Variants in KCNJ12 observed in about 807,000 individuals in gnomAD.
KCNJ12 encodes ATP-sensitive inward rectifier potassium channel 12.
A neutral mutation model predicts 22.3 loss-of-function variants in KCNJ12; 2 were observed. The observed-to-expected ratio is 0.09, with a 90% confidence interval of 0.04 to 0.28. KCNJ12 has a LOEUF of 0.28. Ranked by LOEUF, KCNJ12 falls within the 10% of genes least tolerant of loss-of-function variation. The pLI is 1.00. For missense variants in KCNJ12, 155 were observed against 633.3 expected (o/e 0.24, Z 8.11); for synonymous variants, 117 against 261.4 (o/e 0.45, Z 5.33).
At position 21,384,744 on chromosome 17, in the gene KCNJ12, G is replaced by GT. The variant is rs1347936655; in HGVS notation, c.-179+7842dup. The stretch of plus-strand genomic sequence containing the variant: ...GCCTCTGTGTGGGGAATGTCACTTT[G>GT]TTTTTTTTTTTGTTGTTGTTTGTTT... On this transcript the variant is annotated intron_variant, in intron 1 of 2. Transcript: ENST00000583088. Among the ~76,000 whole-genome samples the GT allele has an allele frequency of 1.4e-3, 190 of 133,694 alleles. 1 individual carries two copies. Among genetic ancestry groups the GT allele is most frequent in the African/African-American group, 2.7e-3 (98 of 36,894 alleles). 87.7% of individuals were successfully genotyped at this position (133,694 alleles called of 152,430 possible). A position where few individuals can be genotyped will look rare whatever the true frequency, so the allele number is the denominator to read the frequency against.
At chr17:21,392,518 C>T (rs1434629328) in intron 1 of KCNJ12, among the ~76,000 whole-genome samples, 2 of 152,270 alleles carry the variant, frequency 1.3e-5, no homozygotes, top group Non-Finnish European at 2.9e-5. Context: ...ACTTAATCAT[C>T]TTGTTGGCAC....
At chr17:21,382,451 T>C (rs1555558087) in intron 1 of KCNJ12, among the ~76,000 whole-genome samples, 1 of 152,166 alleles carries the variant, frequency 6.6e-6, no homozygotes, top group East Asian at 1.9e-4. Context: ...CTCCCCACGG[T>C]CATTGAGTTT....
At chr17:21,377,615 G>A (rs943698313) in intron 1 of KCNJ12, among the ~76,000 whole-genome samples, 1 of 152,122 alleles carries the variant, frequency 6.6e-6, no homozygotes, top group Non-Finnish European at 1.5e-5. Flanking sequence ...GGGTGCCCTG[G>A]GGGAGCGGGG....
chr17:21,378,597 C>T (rs1215978034), intron 1 of KCNJ12, among the ~76,000 whole-genome samples: 2 of 152,062 alleles, frequency 1.3e-5, no homozygotes, highest in East Asian at 1.9e-4. Flanking sequence ...GTGTGCTGGG[C>T]CACAGGGACA....
intron 1 of KCNJ12, among the ~76,000 whole-genome samples, chr17:21,400,878 A>C (rs1247003030): frequency 6.6e-6 from 1 of 152,308 alleles, no homozygotes; most frequent in African/African-American, 2.4e-5. Flanking sequence ...GAGCGCCCTA[A>C]CTAGCAAGAC....
At chr17:21,383,829 G>C (rs976149643) in intron 1 of KCNJ12, among the ~76,000 whole-genome samples, 18 of 152,204 alleles carry the variant, frequency 1.2e-4, no homozygotes, top group African/African-American at 4.3e-4. Context: ...TGCCCTGGGG[G>C]GCTGACATCT....
At chr17:21,392,033 A>G (rs1905223818) in intron 1 of KCNJ12, among the ~76,000 whole-genome samples, 1 of 152,222 alleles carries the variant, frequency 6.6e-6, no homozygotes, top group African/African-American at 2.4e-5. Flanking sequence ...GTTGAGGTAG[A>G]ACCGGCTGAC....
chr17:21,410,399 CA>C (rs1207215914), intron 2 of KCNJ12, among the ~76,000 whole-genome samples: 1 of 152,258 alleles, frequency 6.6e-6, no homozygotes, highest in Non-Finnish European at 1.5e-5. Context: ...GCTCTGGATG[CA>C]GTGGATGAAG....
chr17:21,396,182 C>T (rs887849835), intron 1 of KCNJ12, among the ~76,000 whole-genome samples: 2 of 151,996 alleles, frequency 1.3e-5, no homozygotes, highest in East Asian at 1.9e-4. Flanking sequence ...GCTGGGCTCT[C>T]GAGAACTTGC....
At chr17:21,412,748 G>C (rs1426287868) in intron 2 of KCNJ12, among the ~76,000 whole-genome samples, 1 of 152,310 alleles carries the variant, frequency 6.6e-6, no homozygotes, top group African/African-American at 2.4e-5. Context: ...AGCGGTGTTG[G>C]GGGAGGACGG....
At chr17:21,386,123 A>G (rs1905061400) in intron 1 of KCNJ12, among the ~76,000 whole-genome samples, 1 of 152,242 alleles carries the variant, frequency 6.6e-6, no homozygotes, top group African/African-American at 2.4e-5. Flanking sequence ...CTAAAACAGT[A>G]CAAATGCAGC....
chr17:21,384,928 G>A (rs959654014), intron 1 of KCNJ12, among the ~76,000 whole-genome samples: 16 of 151,790 alleles, frequency 1.1e-4, no homozygotes, highest in South Asian at 2.1e-4. Context: ...ACCCACCACC[G>A]CGCCCGGCTA....
intron 1 of KCNJ12, among the ~76,000 whole-genome samples, chr17:21,388,830 G>A (rs1555558984): frequency 6.6e-6 from 1 of 152,194 alleles, no homozygotes; most frequent in East Asian, 1.9e-4. Context: ...ACCCCAATCG[G>A]GAAGCCTCGG....
In KCNJ12 at chr17:21,419,171, TG is replaced by T; in HGVS notation, c.*2531del. ...CCAGGAGCGAGGAAGACTTGGCCCC[TG>T]GGGAGTGTGTGTGTGGAGGCGTGTG... On this transcript the variant is annotated 3_prime_UTR_variant, in exon 3 of 3. Transcript: ENST00000583088. 6.0e-6 allele frequency: 1 copy of T among 167,092 alleles called. No homozygotes were observed. Among genetic ancestry groups the T allele is most frequent in the Non-Finnish European group, 1.5e-5 (1 of 68,138 alleles). 10.4% of individuals were successfully genotyped at this position (167,092 alleles called of 1,614,324 possible). A position where few individuals can be genotyped will look rare whatever the true frequency, so the allele number is the denominator to read the frequency against.
At chr17:21,394,482 G>A (rs548813922) in intron 1 of KCNJ12, among the ~76,000 whole-genome samples, 31 of 152,290 alleles carry the variant, frequency 2.0e-4, no homozygotes, top group African/African-American at 3.6e-4. Flanking sequence ...GTATTCCATC[G>A]TTAATCGAGG....
At chr17:21,396,917 T>A (rs527616566) in intron 1 of KCNJ12, among the ~76,000 whole-genome samples, 1 of 152,094 alleles carries the variant, frequency 6.6e-6, no homozygotes, top group Non-Finnish European at 1.5e-5. Context: ...CCGGGGGTCA[T>A]CGTTCAAGGG....
At chr17:21,378,265 G>A (rs1255582797) in intron 1 of KCNJ12, among the ~76,000 whole-genome samples, 1 of 152,246 alleles carries the variant, frequency 6.6e-6, no homozygotes, top group East Asian at 1.9e-4. Flanking sequence ...GGCGGGCGAG[G>A]GTCAGAGAGG....
intron 1 of KCNJ12, among the ~76,000 whole-genome samples, chr17:21,402,623 G>T (rs12452787): frequency 1.3e-5 from 2 of 152,430 alleles, no homozygotes; most frequent in South Asian, 4.1e-4. Context: ...CCAGAGCCCT[G>T]AGAGTCTGTC....
intron 2 of KCNJ12, among the ~76,000 whole-genome samples, chr17:21,414,763 C>T (rs11656727): frequency 8.4e-4 from 128 of 152,294 alleles, no homozygotes; most frequent in South Asian, 1.5e-3. Context: ...GGGCTGTGGC[C>T]GGAAGGGGAG....
Sources: gnomAD v4.1 joint callset for allele counts (sites outside exome capture counted in the v4.1 genomes callset) on GRCh38, gnomAD v4.1.1 for gene constraint, MANE v1.5 for transcripts, NCBI Gene and HGNC (gene_info 2026-07-23, HGNC 2026-07-21) for gene names.